Variants in ARID1B observed in about 807,000 individuals in gnomAD.
The protein encoded by ARID1B is AT-rich interactive domain-containing protein 1B.
In ARID1B, 30 loss-of-function variants were observed where a neutral mutation model predicts 212.3. The observed-to-expected ratio is 0.14, with a 90% confidence interval of 0.11 to 0.19. The LOEUF (loss-of-function observed/expected upper bound fraction) is 0.19. Among genes scored for constraint, ARID1B ranks in the 10% least tolerant of loss-of-function variants. The pLI, the probability that ARID1B is intolerant of heterozygous loss-of-function variation, is 1.00. For synonymous variants in ARID1B, 1,402 were observed against 1,301.7 expected (o/e 1.08, Z -1.66); for missense variants, 2,891 against 3,204.0 (o/e 0.90, Z 2.36).
At chr6:157,180,339 C>T (rs1203547934) in intron 11 of ARID1B, among the ~76,000 whole-genome samples, 1 of 151,556 alleles carries the variant, frequency 6.6e-6, no homozygotes, top group African/African-American at 2.4e-5. Flanking sequence ...TCCATAAATC[C>T]CAAAGCTTTG....
chr6:157,142,892 T>C (rs1351182355), intron 7 of ARID1B, among the ~76,000 whole-genome samples: 1 of 152,218 alleles, frequency 6.6e-6, no homozygotes, highest in African/African-American at 2.4e-5. Flanking sequence ...TGTTCATAAC[T>C]GTTGAGTGAT....
At chr6:156,962,623 C>T (rs972133967) in intron 4 of ARID1B, among the ~76,000 whole-genome samples, 8 of 152,120 alleles carry the variant, frequency 5.3e-5, no homozygotes, top group Non-Finnish European at 1.0e-4. Flanking sequence ...GCTGGGACTA[C>T]AGGCAGGCAC....
intron 1 of ARID1B, among the ~76,000 whole-genome samples, chr6:156,807,293 C>T (rs1020100037): frequency 6.6e-6 from 1 of 152,146 alleles, no homozygotes; most frequent in East Asian, 1.9e-4. Context: ...TCGGAAACGC[C>T]TTAAGCAAGA....
chr6:157,079,808 C>G (rs945619764), intron 4 of ARID1B, among the ~76,000 whole-genome samples: 3 of 151,956 alleles, frequency 2.0e-5, no homozygotes, highest in Non-Finnish European at 4.4e-5. Context: ...GCACTTGGCA[C>G]AAGAAGTCAC....
chr6:156,782,564 A>T (rs1242176570), intron 1 of ARID1B, among the ~76,000 whole-genome samples: 1 of 152,162 alleles, frequency 6.6e-6, no homozygotes, highest in East Asian at 1.9e-4. Context: ...ACAATGTATT[A>T]AGAAAAGGGC....
Position 156,779,083 on chromosome 6 carries a change from G to A in ARID1B, c.1403G>A (p.Gly468Asp), listed in dbSNP as rs1276959546. ...GGGMMMGPGG[G>D]GAASLSKAAA... Reference sequence around the variant, plus strand: ...GGCATGATGATGGGCCCCGGGGGCGGCGGGGCCGCGAGCCTCAGCAAGGCG... The same window carrying A: ...GGCATGATGATGGGCCCCGGGGGCGACGGGGCCGCGAGCCTCAGCAAGGCG... Residue 468 changes from glycine (G) to aspartate (D), a missense_variant, in exon 1 of 20, where the codon GGC becomes GAC. Gly to Asp is a moderately conservative substitution (Grantham distance 94). This residue lies in a region of ARID1B where 1,643 missense variants were observed against 1,544.0 expected (regional missense o/e 1.06). Transcript: ENST00000636930. 5.7e-6 allele frequency: 7 copies of A among 1,225,496 alleles called. No homozygotes were observed. The African/African-American group carries it at 9.6e-5, about 17-fold the overall frequency. 75.9% of individuals were successfully genotyped at this position (1,225,496 alleles called of 1,614,324 possible).
intron 4 of ARID1B, among the ~76,000 whole-genome samples, chr6:157,062,249 G>T (rs1783387674): frequency 6.6e-6 from 1 of 151,640 alleles, no homozygotes. Context: ...ACCCAGGCTG[G>T]AGTACAGTGG....
At chr6:156,929,409 G>C (rs1443048887) in intron 3 of ARID1B, among the ~76,000 whole-genome samples, 2 of 152,204 alleles carry the variant, frequency 1.3e-5, no homozygotes, top group Non-Finnish European at 2.9e-5. Context: ...GTGGCAGGCT[G>C]TGTGGCCACC....
chr6:157,028,225 A>C (rs886956554), intron 4 of ARID1B, among the ~76,000 whole-genome samples: 1 of 152,232 alleles, frequency 6.6e-6, no homozygotes, highest in East Asian at 1.9e-4. Flanking sequence ...CCACTTACTT[A>C]GTGCTCATAT....
At chr6:156,933,077 C>T (rs1407196139) in intron 3 of ARID1B, among the ~76,000 whole-genome samples, 1 of 152,084 alleles carries the variant, frequency 6.6e-6, no homozygotes, top group Non-Finnish European at 1.5e-5. Context: ...TTTAGGGGGA[C>T]GATGTCTAAA....
chr6:156,882,751 G>A (rs1160296136), intron 2 of ARID1B, among the ~76,000 whole-genome samples: 1 of 152,230 alleles, frequency 6.6e-6, no homozygotes, highest in African/African-American at 2.4e-5. Flanking sequence ...GTTTAAAAGT[G>A]CTTTGTATAA....
chr6:157,002,520 C>T (rs1458375148), intron 4 of ARID1B, among the ~76,000 whole-genome samples: 1 of 152,240 alleles, frequency 6.6e-6, no homozygotes, highest in Non-Finnish European at 1.5e-5. Context: ...TGTGTAGCCA[C>T]TGCATTGCAT....
At chr6:156,866,441 G>A (rs1785700151) in intron 2 of ARID1B, among the ~76,000 whole-genome samples, 2 of 152,140 alleles carry the variant, frequency 1.3e-5, no homozygotes, top group South Asian at 4.1e-4. Flanking sequence ...ACCTTTCCAG[G>A]TTGGGTAAGT....
chr6:157,122,925 A>C (rs553717787), intron 6 of ARID1B, among the ~76,000 whole-genome samples: 28 of 151,882 alleles, frequency 1.8e-4, no homozygotes, highest in Non-Finnish European at 4.0e-4. Context: ...CAGGTGATCC[A>C]CCCGCCTCAG....
intron 2 of ARID1B, among the ~76,000 whole-genome samples, chr6:156,864,136 T>A (rs1785521225): frequency 6.6e-6 from 1 of 152,226 alleles, no homozygotes; most frequent in Non-Finnish European, 1.5e-5. Context: ...ACTAGTTTTA[T>A]ATTTTCTTAA....
chr6:157,117,022 A>C (rs909677432), intron 6 of ARID1B, among the ~76,000 whole-genome samples: 2 of 152,154 alleles, frequency 1.3e-5, no homozygotes, highest in African/African-American at 4.8e-5. Context: ...AGAGATCTTG[A>C]CAGCTGTTTG....
chr6:157,204,043 A>G lies in ARID1B; in HGVS notation c.5394+47A>G, dbSNP rs144650483. On this transcript the variant is annotated intron_variant, in intron 19 of 19. Transcript: ENST00000636930. Reference sequence around the variant, plus strand: ...AACAACCAAATTAGGATAGGAGAGCATCAGGCCATGCACATTTGTGCTTGA... The same window carrying G: ...AACAACCAAATTAGGATAGGAGAGCGTCAGGCCATGCACATTTGTGCTTGA... 5,224 of 1,610,216 alleles carry G rather than the reference A, an allele frequency of 3.2e-3. 120 individuals carry two copies. In the African/African-American group the frequency reaches 0.055, roughly 17 times the overall value.
intron 4 of ARID1B, among the ~76,000 whole-genome samples, chr6:157,005,728 A>G (rs1779214624): frequency 6.6e-6 from 1 of 152,224 alleles, no homozygotes. Context: ...GGAATTTAAC[A>G]TAATGCATTT....
In ARID1B at chr6:157,094,631, A is replaced by C. The variant is rs891833322; in HGVS notation, c.2491+9726A>C. On this transcript the variant is annotated intron_variant, in intron 5 of 19. Transcript: ENST00000636930. This position sits in a 1 kb window ranked among gnomAD's most constrained non-coding sequence, Gnocchi z 4.3. ...TGGCCTCCCAAAGTGCTAGGATTAC[A>C]GGCGTGAGCCACCGCGCCTGGCCGA... is the stretch of plus-strand genomic sequence containing the variant. 1.1e-4 allele frequency among the ~76,000 whole-genome samples: 16 copies of C among 152,194 alleles called. No homozygotes were observed. Among genetic ancestry groups the C allele is most frequent in the African/African-American group, 3.6e-4 (15 of 41,458 alleles).
Sources: allele counts gnomAD v4.1 joint callset (sites outside exome capture counted in the v4.1 genomes callset), GRCh38; gene constraint gnomAD v4.1.1; regional missense constraint gnomAD v4.1.1; non-coding constraint Gnocchi (gnomAD v3.1); transcripts MANE v1.5; gene names NCBI Gene and HGNC (gene_info 2026-07-23, HGNC 2026-07-21).